TRPM3: variants seen among roughly 807,000 people sequenced by gnomAD.
The protein encoded by TRPM3 is long transient receptor potential channel 3.
A neutral mutation model predicts 181.2 loss-of-function variants in TRPM3; 77 were observed. That is an observed-to-expected ratio of 0.42 (90% CI 0.35 to 0.51). The LOEUF (loss-of-function observed/expected upper bound fraction) is 0.51. Ranked by LOEUF, TRPM3 falls within the 20% of genes least tolerant of loss-of-function variation. TRPM3 has a pLI of 0.01. For missense variants in TRPM3, 1,759 were observed against 2,196.7 expected (o/e 0.80, Z 3.98); for synonymous variants, 745 against 796.4 (o/e 0.94, Z 1.09).
At chr9:70,571,708 T>C (rs2052442895) in intron 22 of TRPM3, among the ~76,000 whole-genome samples, 1 of 152,084 alleles carries the variant, frequency 6.6e-6, no homozygotes, top group Non-Finnish European at 1.5e-5. Context: ...ATTAAATTAG[T>C]TAGTATTATT....
intron 8 of TRPM3, among the ~76,000 whole-genome samples, chr9:70,694,219 C>T (rs879603385): frequency 2.0e-5 from 3 of 152,170 alleles, no homozygotes; most frequent in Non-Finnish European, 4.4e-5. Flanking sequence ...TTTAGTATGG[C>T]AGATGTCCTG....
At chr9:70,919,657 G>A (rs1007493286) in intron 1 of TRPM3, among the ~76,000 whole-genome samples, 1 of 151,898 alleles carries the variant, frequency 6.6e-6, no homozygotes, top group African/African-American at 2.4e-5. Context: ...GGTGGTGGGT[G>A]CCTATAATCC....
intron 22 of TRPM3, among the ~76,000 whole-genome samples, chr9:70,575,568 A>G (rs2053717395): frequency 6.6e-6 from 1 of 152,190 alleles, no homozygotes; most frequent in Non-Finnish European, 1.5e-5. Flanking sequence ...TAGCTTCATC[A>G]AAAACAATAA....
chr9:71,031,999 A>AT (rs371152900), intron 1 of TRPM3, among the ~76,000 whole-genome samples: 15 of 1,706 alleles, frequency 8.8e-3, no homozygotes, highest in South Asian at 0.021. Context: ...ATATATATAT[A>AT]ATTATATAAT....
chr9:70,676,481 C>A (rs563134996), intron 9 of TRPM3, among the ~76,000 whole-genome samples: 3 of 152,240 alleles, frequency 2.0e-5, no homozygotes, highest in South Asian at 4.1e-4. Flanking sequence ...GGGATGCTGA[C>A]AACATGGGGC....
intron 1 of TRPM3, among the ~76,000 whole-genome samples, chr9:71,276,837 A>C (rs1341634191): frequency 6.6e-6 from 1 of 152,216 alleles, no homozygotes; most frequent in African/African-American, 2.4e-5. Flanking sequence ...ACCAGGAAAT[A>C]TGCATGAAAT....
In TRPM3 at chr9:71,344,727, A is replaced by G. The variant is rs562399122; in HGVS notation, c.183+101926T>C. ...CTCAAAACATACTAACAAAAAAGTT[A>G]TAAACTAGATTTCCTCAAAATTAAA... On this transcript the variant is annotated intron_variant, in intron 1 of 24. Coordinates refer to the TRPM3 transcript ENST00000357533. 9.5e-4 allele frequency among the ~76,000 whole-genome samples: 145 copies of G among 152,318 alleles called. 6 individuals are homozygous for G. The South Asian group carries it at 0.03, about 31-fold the overall frequency.
At chr9:71,002,114 G>A (rs946365478) in intron 1 of TRPM3, among the ~76,000 whole-genome samples, 2 of 152,058 alleles carry the variant, frequency 1.3e-5, no homozygotes, top group Non-Finnish European at 2.9e-5. Flanking sequence ...CAGCCATAAT[G>A]GTTTTCTTTT....
chr9:70,700,507 T>C (rs992853163), intron 8 of TRPM3, among the ~76,000 whole-genome samples: 1 of 152,192 alleles, frequency 6.6e-6, no homozygotes, highest in African/African-American at 2.4e-5. Flanking sequence ...CTGGAAACCT[T>C]GCTTTTGTTC....
At chr9:70,577,635 CA>C (rs1341520581) in intron 22 of TRPM3, among the ~76,000 whole-genome samples, 1 of 152,144 alleles carries the variant, frequency 6.6e-6, no homozygotes, top group Non-Finnish European at 1.5e-5. Flanking sequence ...TCCCTGTATT[CA>C]ATATAATCTG....
At chr9:71,170,288 T>A (rs955152253) in intron 1 of TRPM3, among the ~76,000 whole-genome samples, 43 of 152,042 alleles carry the variant, frequency 2.8e-4, no homozygotes, top group Non-Finnish European at 5.4e-4. Flanking sequence ...ATGAGGTGAA[T>A]AAGATGCTTA....
At chr9:71,285,373 T>C (rs2085195097) in intron 1 of TRPM3, among the ~76,000 whole-genome samples, 1 of 152,176 alleles carries the variant, frequency 6.6e-6, no homozygotes, top group Admixed American at 6.5e-5. Context: ...CTTTGCCTCT[T>C]TTTCTTCCTA....
At chr9:70,606,271 A>G (rs142430289) in intron 19 of TRPM3, among the ~76,000 whole-genome samples, 5 of 152,220 alleles carry the variant, frequency 3.3e-5, no homozygotes, top group African/African-American at 9.6e-5. Context: ...TTATTCTGTT[A>G]TTCTTTTTGT....
intron 21 of TRPM3, among the ~76,000 whole-genome samples, chr9:70,591,460 T>C (rs2058095132): frequency 6.6e-6 from 1 of 152,186 alleles, no homozygotes; most frequent in African/African-American, 2.4e-5. Flanking sequence ...TCGTTTTTCA[T>C]TGCTGTCTGT....
intron 19 of TRPM3, among the ~76,000 whole-genome samples, chr9:70,609,828 C>T: frequency 6.6e-6 from 1 of 152,036 alleles, no homozygotes; most frequent in East Asian, 1.9e-4. Context: ...GCTAAAAATA[C>T]AGATGCACTA....
intron 1 of TRPM3, among the ~76,000 whole-genome samples, chr9:71,153,793 A>G (rs1294026070): frequency 6.6e-6 from 1 of 152,140 alleles, no homozygotes; most frequent in African/African-American, 2.4e-5. Flanking sequence ...CTTTTTCAAG[A>G]CAACATCCCC....
intron 9 of TRPM3, among the ~76,000 whole-genome samples, chr9:70,660,177 G>A (rs1178909698): frequency 6.6e-6 from 1 of 152,078 alleles, no homozygotes; most frequent in Non-Finnish European, 1.5e-5. Flanking sequence ...AAAAGGGGGA[G>A]TATGTCAAAG....
At chr9:71,230,758 A>G (rs2131901669) in intron 1 of TRPM3, among the ~76,000 whole-genome samples, 1 of 152,174 alleles carries the variant, frequency 6.6e-6, no homozygotes, top group East Asian at 1.9e-4. Flanking sequence ...CTCCATGACA[A>G]TGAGATTCTA....
At chr9:71,065,498 T>C (rs2061811736) in intron 1 of TRPM3, among the ~76,000 whole-genome samples, 1 of 152,144 alleles carries the variant, frequency 6.6e-6, no homozygotes. Flanking sequence ...CAAATCACAA[T>C]CACAGAATTC....
Sources: gnomAD v4.1 joint callset for allele counts (sites outside exome capture counted in the v4.1 genomes callset) on GRCh38, gnomAD v4.1.1 for gene constraint, MANE v1.5 for transcripts, NCBI Gene and HGNC (gene_info 2026-07-23, HGNC 2026-07-21) for gene names.